Variants in GALNT13 observed in about 807,000 individuals in gnomAD.
GALNT13 encodes UDP-GalNAc:polypeptide N-acetylgalactosaminyltransferase 13.
Under a neutral mutation model 64.2 loss-of-function variants are expected in GALNT13, and 28 were observed. The observed-to-expected ratio is 0.44, with a 90% CI of 0.32 to 0.60. The LOEUF (loss-of-function observed/expected upper bound fraction) is 0.60. Among genes scored for constraint, GALNT13 ranks in the 20% least tolerant of loss-of-function variants. The probability of loss-of-function intolerance (pLI) is 0.05; values close to 1 mark genes in which losing one functional copy is unlikely to be tolerated. For synonymous variants in GALNT13, 214 were observed against 224.6 expected, an observed-to-expected ratio of 0.95 and a Z score of 0.42; for missense variants, 577 against 669.8, an observed-to-expected ratio of 0.86 and a Z score of 1.53.
the GALNT13 span, among the ~76,000 whole-genome samples, chr2:153,741,728 C>A: frequency 6.6e-6 from 1 of 152,132 alleles, no homozygotes; most frequent in African/African-American, 2.4e-5. Context: ...CATATATCAC[C>A]ATTTTCCCTA....
the GALNT13 span, among the ~76,000 whole-genome samples, chr2:153,816,554 T>C: frequency 2.0e-5 from 3 of 152,160 alleles, no homozygotes; most frequent in Non-Finnish European, 4.4e-5. Context: ...CTGATCCATT[T>C]ATCAGGTGTA....
At chr2:153,577,968 C>T in the GALNT13 span, among the ~76,000 whole-genome samples, 1 of 151,362 alleles carries the variant, frequency 6.6e-6, no homozygotes, top group Admixed American at 6.6e-5. Context: ...CTGTTTTATT[C>T]TAGGAGCTTT....
the GALNT13 span, among the ~76,000 whole-genome samples, chr2:153,671,043 G>A: frequency 1.3e-5 from 2 of 152,116 alleles, no homozygotes; most frequent in South Asian, 4.1e-4. Flanking sequence ...AAGAAATATG[G>A]GACTATGTGA....
the GALNT13 span, among the ~76,000 whole-genome samples, chr2:153,683,921 G>A: frequency 6.6e-6 from 1 of 151,562 alleles, no homozygotes; most frequent in Non-Finnish European, 1.5e-5. Flanking sequence ...ATGGATAAAC[G>A]TGTGTGACAA....
At chr2:153,833,762 G>A in the GALNT13 span, among the ~76,000 whole-genome samples, 2 of 152,018 alleles carry the variant, frequency 1.3e-5, no homozygotes, top group Non-Finnish European at 2.9e-5. Context: ...ATTGAATATT[G>A]CCAACCCCTG....
the GALNT13 span, among the ~76,000 whole-genome samples, chr2:153,222,734 C>T: frequency 3.3e-5 from 5 of 152,182 alleles, no homozygotes; most frequent in African/African-American, 9.6e-5. Context: ...CAGCGCTGCC[C>T]GGAACTTGCG....
chr2:153,408,046 G>T, the GALNT13 span, among the ~76,000 whole-genome samples: 1 of 152,182 alleles, frequency 6.6e-6, no homozygotes, highest in South Asian at 2.1e-4. Flanking sequence ...CATCTGAGCG[G>T]GAGTGGATAG....
intron 9 of GALNT13, among the ~76,000 whole-genome samples, chr2:154,334,814 T>C (rs546548667): frequency 2.9e-4 from 44 of 152,014 alleles, no homozygotes; most frequent in Non-Finnish European, 5.7e-4. Flanking sequence ...CCAGAGTGAT[T>C]CATTTTCCAC....
the GALNT13 span, among the ~76,000 whole-genome samples, chr2:153,506,170 C>T: frequency 6.6e-6 from 1 of 152,016 alleles, no homozygotes; most frequent in Non-Finnish European, 1.5e-5. Context: ...CTCCTGCTTG[C>T]TTTTGGTGTC....
the GALNT13 span, among the ~76,000 whole-genome samples, chr2:153,290,285 C>T: frequency 1.3e-5 from 2 of 152,056 alleles, no homozygotes; most frequent in African/African-American, 4.8e-5. Context: ...TTCATCCAGG[C>T]AGAGATGTTG....
chr2:154,361,707 T>A (rs1484941922), intron 9 of GALNT13, among the ~76,000 whole-genome samples: 1 of 152,058 alleles, frequency 6.6e-6, no homozygotes, highest in Non-Finnish European at 1.5e-5. Context: ...CCATACTGAT[T>A]AGTAAAAGAA....
chr2:153,906,523 G>T (rs971276517), intron 2 of GALNT13, among the ~76,000 whole-genome samples: 13 of 151,454 alleles, frequency 8.6e-5, no homozygotes, highest in African/African-American at 3.2e-4. Context: ...GTGATAGTTT[G>T]CTGAGAATTA....
At chr2:153,769,282 C>A in the GALNT13 span, among the ~76,000 whole-genome samples, 1 of 152,142 alleles carries the variant, frequency 6.6e-6, no homozygotes, top group African/African-American at 2.4e-5. Context: ...CAAGTAGTGA[C>A]AAATTCCCTC....
Position 154,397,713 on chromosome 2 carries a change from A to G in GALNT13, c.1296+1583A>G, listed in dbSNP as rs528580857. On this transcript the variant is annotated intron_variant, in intron 10 of 12. Transcript: ENST00000392825. Reference sequence around the variant, plus strand: ...TTTTAATGACTGATTTAAGTGCCATATTCATGCCTTATTGTCCAAGTCTCC... The same window carrying G: ...TTTTAATGACTGATTTAAGTGCCATGTTCATGCCTTATTGTCCAAGTCTCC... Among the ~76,000 whole-genome samples the G allele has an allele frequency of 1.8e-4, 27 of 152,324 alleles. No homozygotes were observed. The South Asian group carries it at 5.2e-3, about 29-fold the overall frequency.
chr2:153,797,261 G>A, the GALNT13 span, among the ~76,000 whole-genome samples: 1 of 152,192 alleles, frequency 6.6e-6, no homozygotes, highest in African/African-American at 2.4e-5. Flanking sequence ...CTGAAAGAAC[G>A]AATGTCCAGA....
At chr2:153,723,027 T>C in the GALNT13 span, among the ~76,000 whole-genome samples, 1 of 152,018 alleles carries the variant, frequency 6.6e-6, no homozygotes, top group Non-Finnish European at 1.5e-5. Flanking sequence ...ACAATATCCT[T>C]GATGAACATT....
the GALNT13 span, among the ~76,000 whole-genome samples, chr2:153,397,910 G>T: frequency 4.4e-4 from 67 of 151,898 alleles, no homozygotes; most frequent in Middle Eastern, 6.8e-3. Context: ...TAGGTGAACA[G>T]ATTTTTTTTA....
At chr2:153,813,230 T>C in the GALNT13 span, among the ~76,000 whole-genome samples, 1 of 152,216 alleles carries the variant, frequency 6.6e-6, no homozygotes. Flanking sequence ...GAGGTAGGGG[T>C]TTGGGGAAGA....
At chr2:153,440,513 G>A in the GALNT13 span, among the ~76,000 whole-genome samples, 1 of 152,138 alleles carries the variant, frequency 6.6e-6, no homozygotes, top group Non-Finnish European at 1.5e-5. Flanking sequence ...CTAGATCCTT[G>A]AGGAATCACC....
Sources: allele counts gnomAD v4.1 joint callset (sites outside exome capture counted in the v4.1 genomes callset), GRCh38; gene constraint gnomAD v4.1.1; transcripts MANE v1.5; gene names NCBI Gene and HGNC (gene_info 2026-07-23, HGNC 2026-07-21).